Variants in ARSA observed in about 807,000 individuals in gnomAD.
The protein encoded by ARSA is arylsulfatase A, also known as cerebroside-sulfatase.
In ARSA, 32 loss-of-function variants were observed where a neutral mutation model predicts 37.8. That is an observed-to-expected ratio of 0.85 (90% CI 0.64 to 1.14). ARSA has a LOEUF of 1.14. ARSA is among the 50% of genes most tolerant of loss of function. The probability of loss-of-function intolerance (pLI) is 0.00; values close to 1 mark genes in which losing one functional copy is unlikely to be tolerated. For synonymous variants in ARSA, 303 were observed against 303.4 expected (o/e 1.00, Z 0.01); for missense variants, 685 against 686.3 (o/e 1.00, Z 0.02).
rs2082624835 is a variant in ARSA, at chr22:50,623,933, A to AC, written c.*1211_*1212insG. 2 of 129,324 alleles carry AC rather than the reference A, an allele frequency of 1.5e-5. No individual in the cohort carries two copies. Among genetic ancestry groups the AC allele is most frequent in the African/African-American group, 5.8e-5 (2 of 34,572 alleles). 8.0% of individuals were successfully genotyped at this position (129,324 alleles called of 1,614,324 possible). A position where few individuals can be genotyped will look rare whatever the true frequency, so the allele number is the denominator to read the frequency against. On this transcript the variant is annotated 3_prime_UTR_variant, in exon 8 of 8. Transcript: ENST00000216124. The stretch of plus-strand genomic sequence containing the variant: ...AAAAAAAAAAAAAAAAAAAAAAAAA[A>AC]AAAAACAAAAACAAATCTTTAGAGC...
rs1045588549 is a variant in ARSA, at chr22:50,624,018, C to T, written c.*1127G>A. On this transcript the variant is annotated 3_prime_UTR_variant, in exon 8 of 8. Coordinates refer to ENST00000216124, the MANE Select transcript of ARSA (RefSeq NM_000487.6). Reference sequence around the variant, plus strand: ...TTCCTGGCCTCAGGCATCCTCTCACCTCAGCCTCCCAAAGCACTGGGAATA... The same window carrying T: ...TTCCTGGCCTCAGGCATCCTCTCACTTCAGCCTCCCAAAGCACTGGGAATA... The T allele has an allele frequency of 7.2e-5, 11 of 152,186 alleles. No individual in the cohort carries two copies. The highest frequency in any genetic ancestry group is 2.7e-4 in the African/African-American group (11 of 41,406). 9.4% of individuals were successfully genotyped at this position (152,186 alleles called of 1,614,324 possible). A position where few individuals can be genotyped will look rare whatever the true frequency, so the allele number is the denominator to read the frequency against.
In ARSA at chr22:50,624,149, G is replaced by A. The variant is rs1160584853; in HGVS notation, c.*996C>T. ...TGCAATGGTGCGATCTCGGCTCACT[G>A]CAACCACCGCCTCCCAGGTTCAAGT... is the stretch of plus-strand genomic sequence containing the variant. On this transcript the variant is annotated 3_prime_UTR_variant, in exon 8 of 8. Transcript: ENST00000216124. 1.3e-5 allele frequency among the ~76,000 whole-genome samples: 2 copies of A among 151,104 alleles called. No individual in the cohort carries two copies. Among genetic ancestry groups the A allele is most frequent in the African/African-American group, 4.9e-5 (2 of 41,184 alleles).
At position 50,626,076 on chromosome 22, in the gene ARSA, G is replaced by A; in HGVS notation, c.980-13C>T. 3 of 1,598,322 alleles carry A rather than the reference G, an allele frequency of 1.9e-6. No individual in the cohort carries two copies. The highest frequency in any genetic ancestry group is 2.6e-6 in the Non-Finnish European group (3 of 1,174,410). ...TCGTGGGTCACGCCTGGGGGCAGGA[G>A]GCTGGTCAGTCACTCAGTTCGCCAT... On this transcript the variant is annotated splice_polypyrimidine_tract_variant and intron_variant, in intron 5 of 7. Coordinates refer to ENST00000216124, the MANE Select transcript of ARSA (RefSeq NM_000487.6).
In ARSA at chr22:50,624,875, G is replaced by A. The variant is rs1018600698; in HGVS notation, c.*270C>T. 4 of 456,044 alleles carry A rather than the reference G, an allele frequency of 8.8e-6. No individual in the cohort carries two copies. Among genetic ancestry groups the A allele is most frequent in the East Asian group, 3.8e-5 (1 of 26,596 alleles). 28.2% of individuals were successfully genotyped at this position (456,044 alleles called of 1,614,324 possible). On this transcript the variant is annotated 3_prime_UTR_variant, in exon 8 of 8. Coordinates refer to ENST00000216124, the MANE Select transcript of ARSA (RefSeq NM_000487.6). ...GCGCCAGGGCAGCTTCCAGAGCCAC[G>A]ACACCAGGGTTCAAATCCCAGCCCA...
Position 50,625,623 on chromosome 22 carries a change from A to G in ARSA, c.1166T>C (p.Phe389Ser), listed in dbSNP as rs1002298028. 5 of 1,613,684 alleles carry G rather than the reference A, an allele frequency of 3.1e-6. No homozygotes were observed. Among genetic ancestry groups the G allele is most frequent in the Non-Finnish European group, 4.2e-6 (5 of 1,179,990 alleles). ...PSYPDEVRGVFAVRTGKYKAH... is the reference protein window; with the variant it reads ...PSYPDEVRGVSAVRTGKYKAH... ...CTTGTACTTTCCAGTCCGCACAGCA[A>G]AAACCCCACGGACCTCGTCTGGGTA... The change falls in exon 7 of 8, where the codon TTT (phenylalanine) becomes TCT (serine). Residue 389 changes from phenylalanine (F) to serine (S), a missense_variant. Physicochemically the swap from Phe to Ser is radical, Grantham distance 155. Transcript: ENST00000216124.
chr22:50,625,087 C>T lies in ARSA; in HGVS notation c.*58G>A. The T allele has an allele frequency of 1.4e-6, 2 of 1,456,230 alleles. No individual in the cohort carries two copies. The highest frequency in any genetic ancestry group is 2.8e-5 in the South Asian group (2 of 71,682). The allele number at this position is 1,456,230 out of a possible 1,614,324, so 90.2% of individuals were successfully genotyped here. ...CACAAACCCCCTCCAGACACCTGAG[C>T]CTCCCCCACAGGCTCCCAGTGAGGA... On this transcript the variant is annotated 3_prime_UTR_variant, in exon 8 of 8. Coordinates refer to ENST00000216124, the MANE Select transcript of ARSA (RefSeq NM_000487.6).
Position 50,627,399 on chromosome 22 carries a change from G to A in ARSA, c.232C>T (p.Leu78Phe). Residue 78 changes from leucine to phenylalanine, a missense_variant, in exon 2 of 8, where the codon CTC becomes TTC. By Grantham distance (22) the Leu-to-Phe change is conservative. Transcript: ENST00000216124. ...CGAACCGGGAGCCGGCCGGTCAGGAGGGCGGCCCTGCGGGACAAGTCACAG... is the reference window on the plus strand; with the variant it reads ...CGAACCGGGAGCCGGCCGGTCAGGAAGGCGGCCCTGCGGGACAAGTCACAG... ...VSLCTPSRAA[L>F]LTGRLPVRMG... 4.4e-6 allele frequency: 7 copies of A among 1,608,338 alleles called. No homozygotes were observed. Among genetic ancestry groups the A allele is most frequent in the Non-Finnish European group, 5.9e-6 (7 of 1,179,288 alleles).
In ARSA at chr22:50,626,704, C is replaced by T. The variant is rs1174838208; in HGVS notation, c.741G>A (p.Gly247=). Residue 247 remains glycine (G), a synonymous_variant, in exon 4 of 8, where the codon GGG becomes GGA. Coordinates refer to ENST00000216124, the MANE Select transcript of ARSA (RefSeq NM_000487.6). ...GQSFAERSGR[G]PFGDSLMELD... Reference sequence around the variant, plus strand: ...GCTCCATCAGGGAGTCCCCAAATGGCCCGCGGCCTGAACGCTCTGCAAAGC... The same window carrying T: ...GCTCCATCAGGGAGTCCCCAAATGGTCCGCGGCCTGAACGCTCTGCAAAGC... 5 of 1,614,042 alleles carry T rather than the reference C, an allele frequency of 3.1e-6. No individual in the cohort carries two copies. The African/African-American group carries it at 5.3e-5, about 17-fold the overall frequency.
At position 50,625,233 on chromosome 22, in the gene ARSA, C is replaced by A. The variant is rs776116011; in HGVS notation, c.1442G>T (p.Arg481Leu). Residue 481 changes from arginine to leucine, a missense_variant, in exon 8 of 8, where the codon CGG becomes CTG. Transcript: ENST00000216124. ...AVTFGPSQVA[R>L]GEDPALQICC... ...GATCTGCAGGGCGGGGTCCTCGCCC[C>A]GGGCCACCTGGCTGGGGCCGAAGGT... 1 of 1,610,338 alleles carries A rather than the reference C, an allele frequency of 6.2e-7. No individual in the cohort carries two copies. The highest frequency in any genetic ancestry group is 8.5e-7 in the Non-Finnish European group (1 of 1,178,374).
chr22:50,627,458 TAG>T (rs760341375), intron 1 of ARSA, 52 bp from the exon 2 acceptor site: 1 of 1,604,100 alleles, frequency 6.2e-7, no homozygotes, highest in Non-Finnish European at 8.5e-7. Flanking sequence ...TGGCCTTCCC[TAG>T]AGAGAGAGAC....
chr22:50,627,041 C>T lies in ARSA; in HGVS notation c.477G>A (p.Gln159=). ...TGGCCGGCGGGAAGCAGGTCAGGTTCTGGCAGGGGCCCTGAGGCGGGCAGC... is the reference window on the plus strand; with the variant it reads ...TGGCCGGCGGGAAGCAGGTCAGGTTTTGGCAGGGGCCCTGAGGCGGGCAGC... ...IPYSHDQGPC[Q]NLTCFPPATP... Residue 159 remains glutamine (Q), a synonymous_variant, in exon 3 of 8, where the codon CAG becomes CAA. Coordinates refer to ENST00000216124, the MANE Select transcript of ARSA (RefSeq NM_000487.6). The T allele has an allele frequency of 2.5e-6, 4 of 1,607,032 alleles. No individual in the cohort carries two copies. Among genetic ancestry groups the T allele is most frequent in the Non-Finnish European group, 3.4e-6 (4 of 1,176,004 alleles).
rs1189586905 is a variant in ARSA, at chr22:50,626,847, T to C, written c.671A>G (p.Tyr224Cys). ...AQRQDRPFFL[Y>C]YASHHTHYPQ... ...AAGATCACTTACGTGAGAGGCATAG[T>C]ACAGGAAGAAGGGGCGATCCTGGCG... The change falls in exon 3 of 8, where the codon TAC (tyrosine) becomes TGC (cysteine). Residue 224 changes from tyrosine (Y) to cysteine (C), a missense_variant. Coordinates refer to ENST00000216124, the MANE Select transcript of ARSA (RefSeq NM_000487.6). 1 of 1,613,322 alleles carries C rather than the reference T, an allele frequency of 6.2e-7. No individual in the cohort carries two copies. The highest frequency in any genetic ancestry group is 1.1e-5 in the South Asian group (1 of 91,040).
rs574269747 is a variant in ARSA, at chr22:50,626,566, G to A, written c.854+25C>T. 8 of 1,610,336 alleles carry A rather than the reference G, an allele frequency of 5.0e-6. No homozygotes were observed. In the South Asian group the frequency reaches 8.8e-5, roughly 18 times the overall value. ...GGCCCTGGCCCGTGACAGGGCCGGAGCACCCAGCTGCCCTGCTGGCATACC... is the reference window on the plus strand; with the variant it reads ...GGCCCTGGCCCGTGACAGGGCCGGAACACCCAGCTGCCCTGCTGGCATACC... On this transcript the variant is annotated intron_variant, in intron 4 of 7. Transcript: ENST00000216124.
chr22:50,625,402 G>A lies in ARSA; in HGVS notation c.1273C>T (p.His425Tyr), dbSNP rs764005159. The change falls in exon 8 of 8, where the codon CAT becomes TAT. Residue 425 changes from histidine to tyrosine, a missense_variant. His to Tyr is a moderately conservative substitution (Grantham distance 83, BLOSUM62 2). Transcript: ENST00000216124. ...AGGTCATAGAGCAGCGGGGGCTCAT[G>A]AGCAGTCAGAGAGCTGGAGGCGTGG... ...ACHASSSLTAHEPPLLYDLSK... is the reference protein window; with the variant it reads ...ACHASSSLTAYEPPLLYDLSK... 1.3e-6 allele frequency: 2 copies of A among 1,598,556 alleles called. No individual in the cohort carries two copies. The highest frequency in any genetic ancestry group is 2.2e-5 in the South Asian group (2 of 89,818).
chr22:50,627,438 G>A (rs747436269), intron 1 of ARSA, 32 bp from the exon 2 acceptor site: 1 of 1,607,758 alleles, frequency 6.2e-7, no homozygotes, highest in Non-Finnish European at 8.5e-7. Context: ...CCCTGAGACA[G>A]ACAGAAATGT....
chr22:50,627,831 C>T lies in ARSA; in HGVS notation c.-52G>A, dbSNP rs1225013015. The T allele has an allele frequency of 6.7e-7, 1 of 1,499,012 alleles. No individual in the cohort carries two copies. Among genetic ancestry groups the T allele is most frequent in the East Asian group, 2.5e-5 (1 of 40,446 alleles). 92.9% of individuals were successfully genotyped at this position (1,499,012 alleles called of 1,614,324 possible). A position where few individuals can be genotyped will look rare whatever the true frequency, so the allele number is the denominator to read the frequency against. On this transcript the variant is annotated 5_prime_UTR_variant, in exon 1 of 8. Coordinates refer to ENST00000216124, the MANE Select transcript of ARSA (RefSeq NM_000487.6). Reference sequence around the variant, plus strand: ...GGGAGGGCTACTTGGCTCCAGCAGGCTCTTTCCGATACCGCAGACCCAGGC... The same window carrying T: ...GGGAGGGCTACTTGGCTCCAGCAGGTTCTTTCCGATACCGCAGACCCAGGC...
At position 50,626,608 on chromosome 22, in the gene ARSA, G is replaced by T; in HGVS notation, c.837C>A (p.Ile279=). ...TGGCATACCCATTGTCTGCAGTGAA[G>T]ATGACCAGCGTCTCTTCAAGCAGCC... ...DLGLLEETLV[I]FTADNGPETM... is the part of the protein sequence containing the mutation. Residue 279 remains isoleucine, a synonymous_variant, in exon 4 of 8, where the codon ATC becomes ATA. Coordinates refer to ENST00000216124, the MANE Select transcript of ARSA (RefSeq NM_000487.6). The T allele has an allele frequency of 6.2e-7, 1 of 1,613,632 alleles. No homozygotes were observed. The highest frequency in any genetic ancestry group is 8.5e-7 in the Non-Finnish European group (1 of 1,180,024).
chr22:50,627,698 T>C lies in ARSA; in HGVS notation c.82A>G (p.Ile28Val), dbSNP rs779089372. 15 of 1,556,038 alleles carry C rather than the reference T, an allele frequency of 9.6e-6. No individual in the cohort carries two copies. In the South Asian group the frequency reaches 1.7e-4, roughly 17 times the overall value. The change falls in exon 1 of 8, where the codon ATC becomes GTC. Residue 28 changes from isoleucine (I) to valine (V), a missense_variant. Transcript: ENST00000216124. Reference protein sequence around the residue: ...AVARPPNIVLIFADDLGYGDL... With the variant: ...AVARPPNIVLVFADDLGYGDL... ...CCATAGCCGAGGTCGTCGGCAAAGA[T>C]CAGCACGATGTTGGGCGGACGGGCA...
At position 50,625,928 on chromosome 22, in the gene ARSA, G is replaced by C. The variant is rs551131929; in HGVS notation, c.1107+8C>G. 2 of 1,569,784 alleles carry C rather than the reference G, an allele frequency of 1.3e-6. No homozygotes were observed. Among genetic ancestry groups the C allele is most frequent in the Non-Finnish European group, 1.7e-6 (2 of 1,157,974 alleles). On this transcript the variant is annotated splice_region_variant and intron_variant, in intron 6 of 7. Coordinates refer to ENST00000216124, the MANE Select transcript of ARSA (RefSeq NM_000487.6). ...CAAGGATCTGGGATCAGGGGTCACC[G>C]GCCCTACCTTGCCTGTGCCCAGCAG...
Sources: gnomAD v4.1 joint callset for allele counts (sites outside exome capture counted in the v4.1 genomes callset) on GRCh38, gnomAD v4.1.1 for gene constraint, MANE v1.5 for transcripts, NCBI Gene and HGNC (gene_info 2026-07-23, HGNC 2026-07-21) for gene names.